DAAM1: variants seen among roughly 807,000 people sequenced by gnomAD.
DAAM1 encodes the protein disheveled-associated activator of morphogenesis 1.
A neutral mutation model predicts 130.0 loss-of-function variants in DAAM1; 52 were observed. That is an observed-to-expected ratio of 0.40 (90% CI 0.32 to 0.50). The LOEUF is 0.50. Ranked by LOEUF, DAAM1 falls within the 20% of genes least tolerant of loss-of-function variation. The pLI, the probability that DAAM1 is intolerant of heterozygous loss-of-function variation, is 0.61. For missense variants in DAAM1, 1,134 were observed against 1,303.8 expected (o/e 0.87, Z 2.01); for synonymous variants, 452 against 444.5 (o/e 1.02, Z -0.21).
chr14:59,355,460 T>A, intron 20 of DAAM1, 127 bp downstream of exon 20: 1 of 1,164,058 alleles, frequency 8.6e-7, no homozygotes, highest in African/African-American at 1.6e-5. Context: ...TCTTTCTCAC[T>A]ACTTTCTTCC....
chr14:59,267,914 T>C (rs916273094), intron 2 of DAAM1, among the ~76,000 whole-genome samples: 2 of 150,450 alleles, frequency 1.3e-5, no homozygotes, highest in African/African-American at 4.9e-5. Flanking sequence ...TTTTTTTTTT[T>C]TTTTTTGAGA....
intron 1 of DAAM1, among the ~76,000 whole-genome samples, chr14:59,241,322 A>G (rs1289625484): frequency 6.6e-6 from 1 of 152,216 alleles, no homozygotes; most frequent in African/African-American, 2.4e-5. Context: ...GTCCTTTCAC[A>G]ACTATTTTTG....
intron 17 of DAAM1, among the ~76,000 whole-genome samples, chr14:59,349,738 T>C (rs945741419): frequency 1.3e-5 from 2 of 152,204 alleles, no homozygotes; most frequent in African/African-American, 4.8e-5. Context: ...TTCCCAGATA[T>C]TTGCTTGACT....
rs762698761 is a variant in DAAM1 at position 59,330,608 on chromosome 14, C to T, written c.1480C>T (p.Leu494Phe). 3 of 1,613,808 alleles carry T rather than the reference C, an allele frequency of 1.9e-6. No homozygotes were observed. The highest frequency in any genetic ancestry group is 1.3e-5 in the African/African-American group (1 of 74,870). ...GACCTTAAATAAAATGAAAGAGAAA[C>T]TTGAAAAGGAGACTACTGAGCATAA... ...MQTLNKMKEK[L>F]EKETTEHKQV... The change falls in exon 13 of 25, where the codon CTT becomes TTT. Residue 494 changes from leucine (L) to phenylalanine (F), a missense_variant. Transcript: ENST00000360909.
intron 1 of DAAM1, among the ~76,000 whole-genome samples, chr14:59,200,529 G>C (rs1888066425): frequency 6.6e-6 from 1 of 151,860 alleles, no homozygotes; most frequent in Non-Finnish European, 1.5e-5. Flanking sequence ...ACTGAAACTT[G>C]CCTTGCCTTT....
chr14:59,347,698 G>C, intron 17 of DAAM1, 75 bp downstream of exon 17: 1 of 1,392,964 alleles, frequency 7.2e-7, no homozygotes, highest in Non-Finnish European at 1.0e-6. Context: ...GAGAACATCC[G>C]GTTGTTGCTA....
At chr14:59,239,195 A>G (rs1022563754) in intron 1 of DAAM1, among the ~76,000 whole-genome samples, 5 of 152,228 alleles carry the variant, frequency 3.3e-5, no homozygotes, top group Non-Finnish European at 5.9e-5. Flanking sequence ...GTAATATACT[A>G]TTATGCTGTT....
intron 1 of DAAM1, among the ~76,000 whole-genome samples, chr14:59,215,885 A>G (rs1162100742): frequency 6.6e-6 from 1 of 152,198 alleles, no homozygotes; most frequent in Non-Finnish European, 1.5e-5. Flanking sequence ...TGCTGAAATG[A>G]CACTATAGCA....
At chr14:59,346,139 G>T (rs866504019) in intron 16 of DAAM1, among the ~76,000 whole-genome samples, 1,551 of 7,190 alleles carry the variant, frequency 0.22, 28 homozygotes, top group East Asian at 0.39. Context: ...CCTTTTTTTT[G>T]GGGGGGGGGG....
chr14:59,220,866 C>T (rs1047048338), intron 1 of DAAM1, among the ~76,000 whole-genome samples: 6 of 152,304 alleles, frequency 3.9e-5, no homozygotes, highest in African/African-American at 1.2e-4. Flanking sequence ...GGCCCTAAAC[C>T]GATTGGATGA....
Position 59,330,682 on chromosome 14 carries a change from C to T in DAAM1, c.1554C>T (p.Leu518=), listed in dbSNP as rs1378836029. Residue 518 remains leucine (L), a synonymous_variant, in exon 13 of 25, where the codon CTC becomes CTT. Transcript: ENST00000360909. ...VADLTAQLHE[L]SRRAVCASIP... is the part of the protein sequence containing the mutation. ...ACCTCACAGCACAGCTCCATGAGCT[C>T]AGCAGGGTGAGGTCTTCCGCTCAGC... 6.2e-7 allele frequency: 1 copy of T among 1,608,778 alleles called. No homozygotes were observed. The highest frequency in any genetic ancestry group is 8.5e-7 in the Non-Finnish European group (1 of 1,178,036).
intron 1 of DAAM1, among the ~76,000 whole-genome samples, chr14:59,223,018 G>A (rs1187706070): frequency 6.6e-6 from 1 of 152,256 alleles, no homozygotes; most frequent in African/African-American, 2.4e-5. Flanking sequence ...TCCACTTTCA[G>A]GTGGTGCCTG....
intron 2 of DAAM1, among the ~76,000 whole-genome samples, chr14:59,275,829 T>G (rs1882940906): frequency 1.3e-5 from 2 of 152,370 alleles, no homozygotes; most frequent in South Asian, 4.1e-4. Context: ...TATTTTTATG[T>G]ATCAAATGAA....
At chr14:59,309,717 C>T (rs1199367971) in intron 3 of DAAM1, among the ~76,000 whole-genome samples, 7 of 152,214 alleles carry the variant, frequency 4.6e-5, no homozygotes, top group Non-Finnish European at 1.0e-4. Context: ...AAGTTTGCGA[C>T]CCTTGGTTGT....
chr14:59,297,319 G>A (rs141257678), intron 3 of DAAM1, among the ~76,000 whole-genome samples: 4 of 152,320 alleles, frequency 2.6e-5, no homozygotes, highest in African/African-American at 7.2e-5. Flanking sequence ...ATTTGGTAAC[G>A]TGTGTCCAGA....
At chr14:59,244,242 AT>A (rs59495382) in intron 1 of DAAM1, among the ~76,000 whole-genome samples, 2,730 of 146,378 alleles carry the variant, frequency 0.019, 68 homozygotes, top group African/African-American at 0.058. Flanking sequence ...CACTAAACCT[AT>A]TTTTTTTTTT....
chr14:59,232,472 G>A (rs552010366), intron 1 of DAAM1, among the ~76,000 whole-genome samples: 1 of 152,112 alleles, frequency 6.6e-6, no homozygotes, highest in African/African-American at 2.4e-5. Flanking sequence ...TAACAAAGGA[G>A]ATGGATATGG....
At chr14:59,265,710 T>C (rs1398880864) in intron 2 of DAAM1, 1 of 152,262 alleles carries the variant, frequency 6.6e-6, no homozygotes, top group Non-Finnish European at 1.5e-5. Context: ...ACCCCAGTGG[T>C]TGCAACAGCA....
intron 16 of DAAM1, among the ~76,000 whole-genome samples, chr14:59,346,044 G>C (rs552440485): frequency 1.3e-5 from 2 of 150,586 alleles, no homozygotes; most frequent in African/African-American, 4.9e-5. Flanking sequence ...AGTTTACTGT[G>C]TTCTTTCTAT....
Sources: gnomAD v4.1 joint callset for allele counts (sites outside exome capture counted in the v4.1 genomes callset) on GRCh38, gnomAD v4.1.1 for gene constraint, MANE v1.5 for transcripts, NCBI Gene and HGNC (gene_info 2026-07-23, HGNC 2026-07-21) for gene names.